The following PGLYRP2 variants were observed in gnomAD, a reference collection of about 807,000 sequenced individuals.
PGLYRP2 encodes peptidoglycan recognition protein 2.
PGLYRP2 carries 38 observed loss-of-function variants against 46.2 expected under a neutral mutation model. The observed-to-expected ratio is 0.82, with a 90% CI of 0.64 to 1.08. The LOEUF (loss-of-function observed/expected upper bound fraction) is 1.08, where lower values mean the gene tolerates loss of function less well. Among genes scored for constraint, PGLYRP2 ranks in the 50% least tolerant of loss-of-function variants. PGLYRP2 has a pLI of 0.00. For missense variants in PGLYRP2, 713 were observed against 755.9 expected (o/e 0.94, Z 0.67); for synonymous variants, 289 against 329.4 (o/e 0.88, Z 1.33).
At position 15,469,162 on chromosome 19, in the gene PGLYRP2, C is replaced by G. The variant is rs555434536; in HGVS notation, c.1642-410G>C. ...GACAGAGGTTGTGAAGGCAAAAGGTCACAGCCTAGGTTCATGTTGTGTGGA... is the reference window on the plus strand; with the variant it reads ...GACAGAGGTTGTGAAGGCAAAAGGTGACAGCCTAGGTTCATGTTGTGTGGA... On this transcript the variant is annotated intron_variant, in intron 4 of 4. Coordinates refer to ENST00000340880, the MANE Select transcript of PGLYRP2 (RefSeq NM_052890.4). The surrounding 1 kb of genome is among the most constrained non-coding windows in gnomAD (Gnocchi z 4.9). 51 of 569,280 alleles carry G rather than the reference C, an allele frequency of 9.0e-5. No homozygotes were observed. Among genetic ancestry groups the G allele is most frequent in the Non-Finnish European group, 3.1e-5 (10 of 320,094 alleles). 35.3% of individuals were successfully genotyped at this position (569,280 alleles called of 1,614,324 possible).
intron 4 of PGLYRP2, 79 bp from the exon 5 acceptor site, chr19:15,468,831 C>A: frequency 8.6e-7 from 1 of 1,159,992 alleles, no homozygotes; most frequent in Non-Finnish European, 1.2e-6. Flanking sequence ...TGGTGGAACC[C>A]TGGATCAGGG....
chr19:15,468,813 C>T, intron 4 of PGLYRP2, 61 bp from the exon 5 acceptor site: 2 of 1,365,288 alleles, frequency 1.5e-6, no homozygotes, highest in Non-Finnish European at 2.0e-6. Context: ...CTGGGTCTGC[C>T]CTCCTGGTGG....
rs373974220 is a variant in PGLYRP2 at position 15,468,783 on chromosome 19, G to C, written c.1642-31C>G. On this transcript the variant is annotated intron_variant, in intron 4 of 4. Coordinates refer to ENST00000340880, the MANE Select transcript of PGLYRP2 (RefSeq NM_052890.4). ...AAAAGACAAGGGAGTGTGAGGCTTGGGGGTGGTTGTGGTATGTGGCTGGGT... is the reference window on the plus strand; with the variant it reads ...AAAAGACAAGGGAGTGTGAGGCTTGCGGGTGGTTGTGGTATGTGGCTGGGT... 9 of 1,575,852 alleles carry C rather than the reference G, an allele frequency of 5.7e-6. No individual in the cohort carries two copies. The South Asian group carries it at 8.0e-5, about 14-fold the overall frequency.
chr19:15,479,471 C>G lies in PGLYRP2; in HGVS notation c.-100G>C. On this transcript the variant is annotated 5_prime_UTR_variant, in exon 1 of 5. Transcript: ENST00000340880. Reference sequence around the variant, plus strand: ...ACAGGCACAGAGAACTGAGCAGAGCCTTTGACCACTGTCAAAGTCCAGCGG... The same window carrying G: ...ACAGGCACAGAGAACTGAGCAGAGCGTTTGACCACTGTCAAAGTCCAGCGG... 3.4e-6 allele frequency: 4 copies of G among 1,188,802 alleles called. No individual in the cohort carries two copies. The highest frequency in any genetic ancestry group is 4.9e-6 in the Non-Finnish European group (4 of 815,576). The allele number at this position is 1,188,802 out of a possible 1,614,324, so 73.6% of individuals were successfully genotyped here. A position where few individuals can be genotyped will look rare whatever the true frequency, so the allele number is the denominator to read the frequency against.
Position 15,476,389 on chromosome 19 carries a change from G to T in PGLYRP2, c.281C>A (p.Thr94Asn). The change falls in exon 2 of 5, where the codon ACC becomes AAC. Residue 94 changes from threonine to asparagine, a missense_variant. Thr to Asn is a moderately conservative substitution (Grantham distance 65). Transcript: ENST00000340880. ...CPLSPELLGL[T>N]KEVARHDVRE... ...TACGTCATGTCGGGCCACCTCCTTG[G>T]TCAGGCCTAACAGCTCTGGGCTTAG... 1.2e-6 allele frequency: 2 copies of T among 1,614,062 alleles called. No individual in the cohort carries two copies. The highest frequency in any genetic ancestry group is 8.5e-7 in the Non-Finnish European group (1 of 1,179,990).
intron 3 of PGLYRP2, among the ~76,000 whole-genome samples, chr19:15,470,970 C>T (rs1427224259): frequency 6.6e-6 from 1 of 151,816 alleles, no homozygotes. Flanking sequence ...GACGGGTTCT[C>T]GCTCTGTCAC....
intron 1 of PGLYRP2, among the ~76,000 whole-genome samples, chr19:15,477,345 A>G (rs1005050425): frequency 2.1e-5 from 3 of 142,766 alleles, no homozygotes; most frequent in African/African-American, 5.3e-5. Flanking sequence ...GTGAGCCGAG[A>G]TTGCGCCACT....
intron 3 of PGLYRP2, among the ~76,000 whole-genome samples, chr19:15,471,374 A>G (rs909735080): frequency 7.2e-5 from 11 of 151,916 alleles, no homozygotes; most frequent in Non-Finnish European, 1.3e-4. Context: ...TCGGCCTCCC[A>G]AAGTGCTGGG....
Position 15,469,717 on chromosome 19 carries a change from A to T in PGLYRP2, c.1556T>A (p.Leu519Gln). 6.6e-7 allele frequency: 1 copy of T among 1,505,174 alleles called. No individual in the cohort carries two copies. Among genetic ancestry groups the T allele is most frequent in the Non-Finnish European group, 8.8e-7 (1 of 1,132,782 alleles). 93.2% of individuals were successfully genotyped at this position (1,505,174 alleles called of 1,614,324 possible). ...GCGCACCAGCTGGCGGTGGCCCAGCAGCGCGTAGTCTGGCCGCAGGAGGCC... is the reference window on the plus strand; with the variant it reads ...GCGCACCAGCTGGCGGTGGCCCAGCTGCGCGTAGTCTGGCCGCAGGAGGCC... ...RAGLLRPDYA[L>Q]LGHRQLVRTD... The change falls in exon 4 of 5, where the codon CTG (leucine) becomes CAG (glutamine). Residue 519 changes from leucine (L) to glutamine (Q), a missense_variant. By Grantham distance (113) the Leu-to-Gln change is moderately radical. Transcript: ENST00000340880. This position sits in a 1 kb window ranked among gnomAD's most constrained non-coding sequence, Gnocchi z 4.9.
At chr19:15,473,840 A>AAAAG (rs567616048) in intron 2 of PGLYRP2, among the ~76,000 whole-genome samples, 21 of 150,928 alleles carry the variant, frequency 1.4e-4, no homozygotes, top group African/African-American at 3.4e-4. Context: ...GAAAGAAAGA[A>AAAAG]AAAGAAAGAA....
At chr19:15,475,347 A>G (rs1970783525) in intron 2 of PGLYRP2, among the ~76,000 whole-genome samples, 191 bp downstream of exon 2, 1 of 152,108 alleles carries the variant, frequency 6.6e-6, no homozygotes. Flanking sequence ...ACAAAATGAG[A>G]TGAACTCCTA....
rs45609443 is a variant in PGLYRP2 at position 15,475,471 on chromosome 19, A to C, written c.1132+67T>G. ...ACTCTCCTAGTCCTCAACTTCCCTGAATATACGGGGTGGGGGCGTCTGTGT... is the reference window on the plus strand; with the variant it reads ...ACTCTCCTAGTCCTCAACTTCCCTGCATATACGGGGTGGGGGCGTCTGTGT... On this transcript the variant is annotated intron_variant, in intron 2 of 4. Transcript: ENST00000340880. 2.4e-3 allele frequency: 3,485 copies of C among 1,445,324 alleles called. 6 individuals carry two copies. The highest frequency in any genetic ancestry group is 3.1e-3 in the Non-Finnish European group (3,287 of 1,064,674). The allele number at this position is 1,445,324 out of a possible 1,614,324, so 89.5% of individuals were successfully genotyped here.
Position 15,475,880 on chromosome 19 carries a change from TGGG to T in PGLYRP2, c.787_789del (p.Pro263del). 1 of 1,614,042 alleles carries T rather than the reference TGGG, an allele frequency of 6.2e-7. No individual in the cohort carries two copies. Among genetic ancestry groups the T allele is most frequent in the African/African-American group, 1.3e-5 (1 of 75,012 alleles). On this transcript the variant is annotated inframe_deletion, in exon 2 of 5. Coordinates refer to ENST00000340880, the MANE Select transcript of PGLYRP2 (RefSeq NM_052890.4). ...AAGGCCATGGTTAACAGAGATGCCT[TGGG>T]GTCCAAAAGCGTAAAGGTCCGAGGG...
chr19:15,475,643 G>T lies in PGLYRP2; in HGVS notation c.1027C>A (p.Leu343Ile). The change falls in exon 2 of 5, where the codon CTA (leucine) becomes ATA (isoleucine). Residue 343 changes from leucine to isoleucine, a missense_variant. Leu to Ile is a conservative substitution (Grantham distance 5, BLOSUM62 2). Transcript: ENST00000340880. Reference sequence around the variant, plus strand: ...AGGTGTACTGGCTCCAGCCTCTGTAGAAGGACAAGGGTTCCCCACACCTGC... The same window carrying T: ...AGGTGTACTGGCTCCAGCCTCTGTATAAGGACAAGGGTTCCCCACACCTGC... ...AQQVWGTLVL[L>I]QRLEPVHLQL... 6.2e-7 allele frequency: 1 copy of T among 1,614,194 alleles called. No individual in the cohort carries two copies. The highest frequency in any genetic ancestry group is 8.5e-7 in the Non-Finnish European group (1 of 1,180,036).
chr19:15,471,928 G>A lies in PGLYRP2; in HGVS notation c.1305C>T (p.Tyr435=), dbSNP rs1479173986. ...CTCCCCAGCCTTGCGTGTCCTGGTGGTAGCGCTGCATGGAGCGCATGTTGG... is the reference window on the plus strand; with the variant it reads ...CTCCCCAGCCTTGCGTGTCCTGGTGATAGCGCTGCATGGAGCGCATGTTGG... ...CAANMRSMQR[Y]HQDTQGWGDI... is the part of the protein sequence containing the mutation. The change falls in exon 3 of 5, where the codon TAC becomes TAT. Residue 435 remains tyrosine (Y), a synonymous_variant. Coordinates refer to ENST00000340880, the MANE Select transcript of PGLYRP2 (RefSeq NM_052890.4). The A allele has an allele frequency of 6.2e-7, 1 of 1,613,984 alleles. No homozygotes were observed. The highest frequency in any genetic ancestry group is 1.3e-5 in the African/African-American group (1 of 74,944).
At chr19:15,472,418 G>C (rs919618172) in intron 2 of PGLYRP2, among the ~76,000 whole-genome samples, 2 of 149,232 alleles carry the variant, frequency 1.3e-5, no homozygotes, top group Admixed American at 6.7e-5. Flanking sequence ...GGTGAAACCC[G>C]GTCTCTACTA....
At position 15,475,664 on chromosome 19, in the gene PGLYRP2, C is replaced by T; in HGVS notation, c.1006G>A (p.Val336Met). The change falls in exon 2 of 5, where the codon GTG becomes ATG. Residue 336 changes from valine (V) to methionine (M), a missense_variant. Val to Met is a conservative substitution (Grantham distance 21). Coordinates refer to ENST00000340880, the MANE Select transcript of PGLYRP2 (RefSeq NM_052890.4). ...LTSASILAQQVWGTLVLLQRL... is the reference protein window; with the variant it reads ...LTSASILAQQMWGTLVLLQRL... ...TGTAGAAGGACAAGGGTTCCCCACACCTGCTGGGCCAGGATGGAGGCTGAA... is the reference window on the plus strand; with the variant it reads ...TGTAGAAGGACAAGGGTTCCCCACATCTGCTGGGCCAGGATGGAGGCTGAA... 6.2e-7 allele frequency: 1 copy of T among 1,614,188 alleles called. No homozygotes were observed. The highest frequency in any genetic ancestry group is 8.5e-7 in the Non-Finnish European group (1 of 1,180,028).
chr19:15,477,620 C>T (rs1970809433), intron 1 of PGLYRP2, among the ~76,000 whole-genome samples: 1 of 151,592 alleles, frequency 6.6e-6, no homozygotes, highest in Non-Finnish European at 1.5e-5. Context: ...ACTGCTTGAA[C>T]CCAGGAGGTG....
intron 3 of PGLYRP2, 149 bp downstream of exon 3, chr19:15,471,741 T>G: frequency 1.1e-6 from 1 of 872,556 alleles, no homozygotes; most frequent in Non-Finnish European, 1.7e-6. Flanking sequence ...CCACGCCACC[T>G]CTCCAACTTT....
Sources: gnomAD v4.1 joint callset for allele counts (sites outside exome capture counted in the v4.1 genomes callset) on GRCh38, gnomAD v4.1.1 for gene constraint, Gnocchi (gnomAD v3.1) non-coding constraint, MANE v1.5 for transcripts, NCBI Gene and HGNC (gene_info 2026-07-23, HGNC 2026-07-21) for gene names.